The following ACTN1 variants were observed in gnomAD, a reference collection of about 807,000 sequenced individuals.
ACTN1 encodes the protein alpha-actinin-1.
ACTN1 carries 30 observed loss-of-function variants against 119.6 expected under a neutral mutation model. The observed-to-expected ratio is 0.25, with a 90% CI of 0.19 to 0.34. The LOEUF (loss-of-function observed/expected upper bound fraction) is 0.34, where lower values mean the gene tolerates loss of function less well. Among genes scored for constraint, ACTN1 ranks in the 10% least tolerant of loss-of-function variants. The pLI, the probability that ACTN1 is intolerant of heterozygous loss-of-function variation, is 1.00. For synonymous variants in ACTN1, 429 were observed against 472.6 expected (o/e 0.91, Z 1.20); for missense variants, 764 against 1,223.4 (o/e 0.62, Z 5.60).
intron 1 of ACTN1, among the ~76,000 whole-genome samples, chr14:68,961,075 C>T (rs1484439779): frequency 6.6e-6 from 1 of 151,968 alleles, no homozygotes; most frequent in African/African-American, 2.4e-5. Context: ...GTCTCTAAAA[C>T]GAAATAACAA....
intron 1 of ACTN1, among the ~76,000 whole-genome samples, chr14:68,972,257 C>G (rs2036913340): frequency 6.6e-6 from 1 of 152,132 alleles, no homozygotes; most frequent in Non-Finnish European, 1.5e-5. Context: ...ATCCCGCTTT[C>G]TACAAAAGCT....
intron 8 of ACTN1, among the ~76,000 whole-genome samples, chr14:68,894,414 G>A (rs372041706): frequency 1.3e-5 from 2 of 152,174 alleles, no homozygotes; most frequent in Admixed American, 6.5e-5. Context: ...CATGCGCTGC[G>A]TGCTGGGCTA....
Position 68,898,738 on chromosome 14 carries a change from C to T in ACTN1, c.762+3739G>A, listed in dbSNP as rs59410062. 8.9e-3 allele frequency among the ~76,000 whole-genome samples: 1,360 copies of T among 152,158 alleles called. 22 individuals carry two copies. The highest frequency in any genetic ancestry group is 0.031 in the African/African-American group (1,295 of 41,466). On this transcript the variant is annotated intron_variant, in intron 8 of 21. Transcript: ENST00000394419. Reference sequence around the variant, plus strand: ...GACCAGGACATGAGAGGACGACCACCACTACCACCAACCCAGCTGTGACCT... The same window carrying T: ...GACCAGGACATGAGAGGACGACCACTACTACCACCAACCCAGCTGTGACCT...
intron 1 of ACTN1, among the ~76,000 whole-genome samples, chr14:68,956,432 T>C (rs2036353954): frequency 6.6e-6 from 1 of 152,206 alleles, no homozygotes; most frequent in African/African-American, 2.4e-5. Context: ...GTTATCTAGC[T>C]TTATCTAAAA....
rs1157026454 is a variant in ACTN1, at chr14:68,909,404, G to A, written c.516-8C>T. The stretch of plus-strand genomic sequence containing the variant: ...CCGAGGCCATCCTTCCAGCTGCCCG[G>A]GGAGAGAGAAGAAGGAGCAGGCTGG... On this transcript the variant is annotated splice_region_variant and splice_polypyrimidine_tract_variant and intron_variant, in intron 5 of 21. Transcript: ENST00000394419. The surrounding 1 kb of genome is among the most constrained non-coding windows in gnomAD (Gnocchi z 4.1). 6.2e-7 allele frequency: 1 copy of A among 1,613,742 alleles called. No individual in the cohort carries two copies. Among genetic ancestry groups the A allele is most frequent in the African/African-American group, 1.3e-5 (1 of 74,912 alleles).
intron 1 of ACTN1, among the ~76,000 whole-genome samples, chr14:68,950,584 C>T (rs1226537485): frequency 4.8e-5 from 7 of 147,018 alleles, no homozygotes; most frequent in African/African-American, 1.3e-4. Context: ...TTTTTTGAGA[C>T]GGAGTCTCAC....
At chr14:68,978,268 A>G (rs1339306572) in intron 1 of ACTN1, 1 of 454,918 alleles carries the variant, frequency 2.2e-6, no homozygotes, top group Admixed American at 2.4e-5. Context: ...TGTCGGGGTT[A>G]CAGCTTCCAA....
At chr14:68,916,427 T>A (rs1325018386) in intron 3 of ACTN1, among the ~76,000 whole-genome samples, 1 of 152,234 alleles carries the variant, frequency 6.6e-6, no homozygotes, top group Non-Finnish European at 1.5e-5. Flanking sequence ...CAGAGAATTT[T>A]GCTTACTGAA....
chr14:68,905,872 A>T (rs889100544), intron 6 of ACTN1, among the ~76,000 whole-genome samples: 1 of 151,732 alleles, frequency 6.6e-6, no homozygotes, highest in African/African-American at 2.4e-5. Flanking sequence ...CGTCCCAGCT[A>T]CTCGGGAGGC....
At chr14:68,890,672 C>T (rs929214331) in intron 10 of ACTN1, among the ~76,000 whole-genome samples, 1 of 152,252 alleles carries the variant, frequency 6.6e-6, no homozygotes, top group Non-Finnish European at 1.5e-5. Flanking sequence ...AACAGACCAA[C>T]AATGTGCAAT....
intron 1 of ACTN1, among the ~76,000 whole-genome samples, chr14:68,952,600 AC>A (rs1026014369): frequency 2.6e-5 from 3 of 113,482 alleles, no homozygotes; most frequent in African/African-American, 1.0e-4. Flanking sequence ...CATCCCGCCC[AC>A]CCCCCATCCC....
At chr14:68,914,328 A>G (rs150978476) in intron 3 of ACTN1, among the ~76,000 whole-genome samples, 236 of 152,378 alleles carry the variant, frequency 1.5e-3, no homozygotes, top group African/African-American at 5.4e-3. Context: ...GACAATTGAA[A>G]AATACTAAAC....
At chr14:68,950,346 T>C (rs892062949) in intron 1 of ACTN1, among the ~76,000 whole-genome samples, 7 of 149,252 alleles carry the variant, frequency 4.7e-5, no homozygotes, top group Non-Finnish European at 8.9e-5. Context: ...ATGCTGGTGA[T>C]GGTTACGCAA....
At chr14:68,896,465 C>A (rs2032890221) in intron 8 of ACTN1, among the ~76,000 whole-genome samples, 1 of 152,208 alleles carries the variant, frequency 6.6e-6, no homozygotes, top group African/African-American at 2.4e-5. Context: ...CTGGGGGTGA[C>A]AGGCCTTCCC....
chr14:68,961,098 T>C (rs905346659), intron 1 of ACTN1, among the ~76,000 whole-genome samples: 3 of 152,152 alleles, frequency 2.0e-5, no homozygotes, highest in Non-Finnish European at 4.4e-5. Context: ...AACCCTGTTA[T>C]ACACGAGACT....
At chr14:68,956,388 A>G (rs1052004463) in intron 1 of ACTN1, among the ~76,000 whole-genome samples, 1 of 152,206 alleles carries the variant, frequency 6.6e-6, no homozygotes, top group South Asian at 2.1e-4. Context: ...TTCAGACTGA[A>G]GCAATAATAT....
chr14:68,881,067 C>T lies in ACTN1; in HGVS notation c.1954-78G>A, dbSNP rs1456379514. The T allele has an allele frequency of 2.1e-6, 3 of 1,422,792 alleles. No homozygotes were observed. The African/African-American group carries it at 4.2e-5, about 20-fold the overall frequency. The allele number at this position is 1,422,792 out of a possible 1,614,324, so 88.1% of individuals were successfully genotyped here. A position where few individuals can be genotyped will look rare whatever the true frequency, so the allele number is the denominator to read the frequency against. On this transcript the variant is annotated intron_variant, in intron 16 of 21. Transcript: ENST00000394419. ...GGGTGGGGACTGGGGCCTCCAAAAT[C>T]ACTTATTAAGCCCTCAAATGATTCT...
chr14:68,949,896 T>C (rs896167906), intron 1 of ACTN1, among the ~76,000 whole-genome samples: 3 of 152,002 alleles, frequency 2.0e-5, no homozygotes, highest in African/African-American at 7.2e-5. Flanking sequence ...ATGGGGCCCC[T>C]AGAGTAGTCA....
chr14:68,893,818 T>C (rs1225500238), intron 8 of ACTN1, 71 bp from the exon 9 acceptor site: 1 of 1,461,458 alleles, frequency 6.8e-7, no homozygotes, highest in African/African-American at 1.4e-5. Context: ...ACACCTGTGC[T>C]GACAAAGCCC....
Sources: gnomAD v4.1 joint callset for allele counts (sites outside exome capture counted in the v4.1 genomes callset) on GRCh38, gnomAD v4.1.1 for gene constraint, Gnocchi (gnomAD v3.1) non-coding constraint, MANE v1.5 for transcripts, NCBI Gene and HGNC (gene_info 2026-07-23, HGNC 2026-07-21) for gene names.